Variants in REC114 observed in about 807,000 individuals in gnomAD.
REC114 encodes REC114 meiotic recombination protein, also known as meiotic recombination protein REC114.
REC114 carries 27 observed loss-of-function variants against 31.3 expected under a neutral mutation model. The observed-to-expected ratio is 0.86, with a 90% confidence interval of 0.64 to 1.19. The LOEUF (loss-of-function observed/expected upper bound fraction) is 1.19. REC114 is among the 50% of genes most tolerant of loss of function. The pLI is 0.00. For synonymous variants in REC114, 134 were observed against 127.7 expected (o/e 1.05, Z -0.33); for missense variants, 344 against 326.9 (o/e 1.05, Z -0.40).
intron 3 of REC114, among the ~76,000 whole-genome samples, chr15:73,550,656 G>T (rs1427135873): frequency 1.3e-5 from 2 of 152,174 alleles, no homozygotes; most frequent in African/African-American, 2.4e-5. Flanking sequence ...ACACTGATCT[G>T]CAATCAGTAT....
intron 5 of REC114, among the ~76,000 whole-genome samples, chr15:73,557,935 A>G (rs1894494907): frequency 6.6e-6 from 1 of 152,242 alleles, no homozygotes; most frequent in Non-Finnish European, 1.5e-5. Flanking sequence ...CAACTACACA[A>G]ATATACATAT....
At chr15:73,491,583 A>G (rs1893447995) in intron 2 of REC114, among the ~76,000 whole-genome samples, 1 of 152,186 alleles carries the variant, frequency 6.6e-6, no homozygotes. Flanking sequence ...CTTCAAAAGA[A>G]ACTTCTGTAC....
At chr15:73,489,100 C>A (rs554504600) in intron 2 of REC114, among the ~76,000 whole-genome samples, 20 of 152,058 alleles carry the variant, frequency 1.3e-4, no homozygotes, top group African/African-American at 4.6e-4. Flanking sequence ...TTTGAGATGG[C>A]ATCTTTTTGC....
Position 73,475,781 on chromosome 15 carries a change from C to CT in REC114, c.249+1861dup, listed in dbSNP as rs552085023. On this transcript the variant is annotated intron_variant, in intron 2 of 5. Transcript: ENST00000331090. ...ATACACACTTAATTAGGATAGTTAA[C>CT]TGAGTGTACAGTGTTTATAAAGTCT... Among the ~76,000 whole-genome samples the CT allele has an allele frequency of 7.0e-4, 107 of 152,204 alleles. 2 individuals are homozygous for CT. In the East Asian group the frequency reaches 0.012, roughly 16 times the overall value.
At chr15:73,503,551 G>A (rs1163822499) in intron 2 of REC114, among the ~76,000 whole-genome samples, 1 of 152,112 alleles carries the variant, frequency 6.6e-6, no homozygotes, top group African/African-American at 2.4e-5. Flanking sequence ...GTTACATTAT[G>A]GGGTGGGTAC....
At chr15:73,481,323 A>C (rs982219533) in intron 2 of REC114, among the ~76,000 whole-genome samples, 66 of 152,228 alleles carry the variant, frequency 4.3e-4, no homozygotes, top group Admixed American at 3.2e-3. Flanking sequence ...ATTAAACTGC[A>C]TGCATGGTAT....
intron 3 of REC114, among the ~76,000 whole-genome samples, chr15:73,547,011 T>G (rs1894318370): frequency 6.6e-6 from 1 of 152,012 alleles, no homozygotes; most frequent in African/African-American, 2.4e-5. Flanking sequence ...GGGCAAAAAT[T>G]TCTTCAGTAA....
intron 2 of REC114, among the ~76,000 whole-genome samples, chr15:73,538,042 A>T (rs1189029811): frequency 6.6e-6 from 1 of 152,226 alleles, no homozygotes; most frequent in Non-Finnish European, 1.5e-5. Flanking sequence ...AGTAGGAGTC[A>T]TATGTGGCTG....
chr15:73,538,283 T>G (rs1004861864), intron 2 of REC114, among the ~76,000 whole-genome samples: 3 of 152,080 alleles, frequency 2.0e-5, no homozygotes, highest in Non-Finnish European at 4.4e-5. Context: ...ATAAAAAAAA[T>G]GCAAACTGTC....
intron 1 of REC114, among the ~76,000 whole-genome samples, chr15:73,470,615 G>GA (rs370308788): frequency 2.0e-5 from 3 of 151,046 alleles, no homozygotes; most frequent in Non-Finnish European, 3.0e-5. Context: ...CCAAAACGGG[G>GA]AAAAAAAAAT....
chr15:73,453,232 C>T (rs534041978), intron 1 of REC114, among the ~76,000 whole-genome samples: 1 of 152,290 alleles, frequency 6.6e-6, no homozygotes, highest in South Asian at 2.1e-4. Flanking sequence ...GCAATCTATC[C>T]AGCTGACAGA....
At chr15:73,557,414 T>TAAAAAAAAA (rs767116205) in intron 5 of REC114, among the ~76,000 whole-genome samples, 3 of 113,190 alleles carry the variant, frequency 2.7e-5, no homozygotes, top group Non-Finnish European at 5.6e-5. Flanking sequence ...ATCAGTAGTT[T>TAAAAAAAAA]AAAAAAAAAA....
chr15:73,531,998 T>A (rs74987102), intron 2 of REC114, among the ~76,000 whole-genome samples: 1 of 123,668 alleles, frequency 8.1e-6, no homozygotes. Flanking sequence ...TTTTTTTTTT[T>A]AATACTTTAA....
At chr15:73,527,497 A>G (rs1234351582) in intron 2 of REC114, among the ~76,000 whole-genome samples, 1 of 152,148 alleles carries the variant, frequency 6.6e-6, no homozygotes, top group African/African-American at 2.4e-5. Flanking sequence ...AAGTCTGGAA[A>G]TTAATTTTAG....
chr15:73,503,740 A>G (rs1317041360), intron 2 of REC114, among the ~76,000 whole-genome samples: 1 of 152,032 alleles, frequency 6.6e-6, no homozygotes, highest in Non-Finnish European at 1.5e-5. Context: ...TTCCTCATTT[A>G]TGAATTTTTG....
intron 4 of REC114, among the ~76,000 whole-genome samples, chr15:73,555,752 C>T (rs1344894647): frequency 3.9e-5 from 6 of 152,096 alleles, no homozygotes; most frequent in African/African-American, 1.4e-4. Context: ...GTTTTACTTA[C>T]AGAAGAACTG....
At chr15:73,520,306 A>G (rs1893918221) in intron 2 of REC114, among the ~76,000 whole-genome samples, 1 of 151,930 alleles carries the variant, frequency 6.6e-6, no homozygotes, top group Non-Finnish European at 1.5e-5. Context: ...GTCTTGGCTC[A>G]CTGCAACCTC....
At chr15:73,539,246 A>G (rs1175128367) in intron 2 of REC114, among the ~76,000 whole-genome samples, 1 of 139,682 alleles carries the variant, frequency 7.2e-6, no homozygotes, top group African/African-American at 2.7e-5. Flanking sequence ...AAAAAAACCT[A>G]TTGATAAAAT....
At chr15:73,556,209 T>C (rs911365916) in intron 4 of REC114, 93 bp from the exon 5 acceptor site, 4 of 1,069,538 alleles carry the variant, frequency 3.7e-6, no homozygotes, top group Admixed American at 4.6e-5. Flanking sequence ...TTTTCTTTCT[T>C]TGAACATGAA....
Sources: gnomAD v4.1 joint callset for allele counts (sites outside exome capture counted in the v4.1 genomes callset) on GRCh38, gnomAD v4.1.1 for gene constraint, MANE v1.5 for transcripts, NCBI Gene and HGNC (gene_info 2026-07-23, HGNC 2026-07-21) for gene names.